The following SCN1A variants were observed in gnomAD, a reference collection of about 807,000 sequenced individuals.
The protein encoded by SCN1A is sodium channel protein type 1 subunit alpha.
SCN1A carries 13 observed loss-of-function variants against 193.7 expected under a neutral mutation model. The observed-to-expected ratio is 0.07, with a 90% CI of 0.04 to 0.11. The LOEUF (loss-of-function observed/expected upper bound fraction) is 0.11. Among genes scored for constraint, SCN1A ranks in the 10% least tolerant of loss-of-function variants. SCN1A has a pLI of 1.00. For missense variants in SCN1A, 1,432 were observed against 2,451.1 expected (o/e 0.58, Z 8.78); for synonymous variants, 781 against 843.6 (o/e 0.93, Z 1.29).
intron 5 of SCN1A, among the ~76,000 whole-genome samples, chr2:166,057,798 A>C (rs1326884426): frequency 2.6e-5 from 4 of 152,060 alleles, no homozygotes; most frequent in Non-Finnish European, 5.9e-5. Flanking sequence ...ATTATTGTCA[A>C]AGCTATCAAA....
intron 6 of SCN1A, among the ~76,000 whole-genome samples, chr2:166,055,932 A>ATTTGT (rs1252817622): frequency 6.6e-6 from 1 of 152,008 alleles, no homozygotes; most frequent in East Asian, 1.9e-4. Context: ...TTATTTTTCA[A>ATTTGT]TTTGTTGGTG....
chr2:166,119,380 A>G (rs547141006), intron 2 of SCN1A, among the ~76,000 whole-genome samples: 130 of 152,238 alleles, frequency 8.5e-4, no homozygotes, highest in African/African-American at 3.0e-3. Flanking sequence ...TTGATAATCT[A>G]GTAACTTCAT....
At chr2:166,049,097 C>T (rs1326922384) in intron 9 of SCN1A, 148 bp from the exon 10 acceptor site, 10 of 642,272 alleles carry the variant, frequency 1.6e-5, no homozygotes, top group Non-Finnish European at 2.8e-5. Context: ...GTCTCTTCTC[C>T]CTCTAAATTC....
At chr2:165,998,884 A>G (rs1690444592) in intron 25 of SCN1A, among the ~76,000 whole-genome samples, 1 of 151,498 alleles carries the variant, frequency 6.6e-6, no homozygotes, top group African/African-American at 2.4e-5. Context: ...TCAAAATGAT[A>G]TTCAACATAA....
upstream of SCN1A, chr2:166,128,154 C>G (rs1370492984): frequency 6.6e-6 from 1 of 151,802 alleles, no homozygotes; most frequent in African/African-American, 2.4e-5. Context: ...ATTTCTTCCT[C>G]AACCTCTTTT....
chr2:166,058,097 C>A (rs148177550), intron 5 of SCN1A, among the ~76,000 whole-genome samples: 276 of 152,134 alleles, frequency 1.8e-3, no homozygotes, highest in African/African-American at 6.4e-3. Context: ...GCCAAAGACT[C>A]CTGACATTCT....
At chr2:166,036,002 A>G (rs775377454) in intron 19 of SCN1A, 46 bp downstream of exon 19, 2 of 1,580,964 alleles carry the variant, frequency 1.3e-6, no homozygotes, top group Non-Finnish European at 1.7e-6. Flanking sequence ...GTGTATATGT[A>G]TATATGTATA....
intron 14 of SCN1A, 47 bp downstream of exon 14, chr2:166,043,622 C>G (rs747416557): frequency 6.4e-7 from 1 of 1,554,040 alleles, no homozygotes; most frequent in Non-Finnish European, 8.7e-7. Context: ...CTGGCTGGTG[C>G]AGCAATAGTG....
Position 166,009,712 on chromosome 2 carries a change from T to C in SCN1A, c.4002+7A>G, listed in dbSNP as rs765828915. ...TACAATACTTCAGGTTCTTTCATTTTTCTTACCCTCATCCCTTCAAATCGA... is the reference window on the plus strand; with the variant it reads ...TACAATACTTCAGGTTCTTTCATTTCTCTTACCCTCATCCCTTCAAATCGA... On this transcript the variant is annotated splice_region_variant and intron_variant, in intron 23 of 28. Transcript: ENST00000674923. 4 of 1,603,616 alleles carry C rather than the reference T, an allele frequency of 2.5e-6. No homozygotes were observed. In the East Asian group the frequency reaches 9.0e-5, roughly 36 times the overall value.
intron 5 of SCN1A, among the ~76,000 whole-genome samples, chr2:166,056,760 TACA>T (rs1278390896): frequency 6.6e-6 from 1 of 152,132 alleles, no homozygotes; most frequent in Admixed American, 6.6e-5. Flanking sequence ...GTGTTGTTTT[TACA>T]ACTATTATTA....
chr2:165,989,109 A>G lies in SCN1A; in HGVS notation c.*2136T>C. On this transcript the variant is annotated 3_prime_UTR_variant, in exon 29 of 29. Transcript: ENST00000674923. The stretch of plus-strand genomic sequence containing the variant: ...TCTCCCCCAATTTGTAATGTAAAAA[A>G]TCTCCATATCATTAGAATATTCTGT... 6.6e-6 allele frequency: 1 copy of G among 152,120 alleles called. No individual in the cohort carries two copies. The highest frequency in any genetic ancestry group is 6.6e-5 in the Admixed American group (1 of 15,186). The allele number at this position is 152,120 out of a possible 1,614,324, so 9.4% of individuals were successfully genotyped here.
chr2:166,013,477 T>C lies in SCN1A; in HGVS notation c.3705+267A>G, dbSNP rs151254621. Among the ~76,000 whole-genome samples, 3 of 151,638 alleles carry C rather than the reference T, an allele frequency of 2.0e-5. No individual in the cohort carries two copies. In the East Asian group the frequency reaches 5.8e-4, roughly 29 times the overall value. On this transcript the variant is annotated intron_variant, in intron 21 of 28. Coordinates refer to ENST00000674923, the MANE Select transcript of SCN1A (RefSeq NM_001165963.4). ...GTAATTGAATATTCACATCCTTTGG[T>C]GTTAATGAATAAGCTGAAGGGCTAC...
chr2:166,139,748 C>G (rs1454743116), intron 1 of SCN1A, among the ~76,000 whole-genome samples: 6 of 152,042 alleles, frequency 3.9e-5, no homozygotes, highest in African/African-American at 1.4e-4. Flanking sequence ...AAAACCATCT[C>G]GTGAGACTTA....
At chr2:166,132,962 T>C (rs1252827631), upstream of SCN1A, among the ~76,000 whole-genome samples, 1 of 152,170 alleles carries the variant, frequency 6.6e-6, no homozygotes, top group African/African-American at 2.4e-5. Context: ...CTTACAGATT[T>C]GATTCTGAAG....
chr2:166,090,607 T>C (rs957757561), intron 2 of SCN1A, among the ~76,000 whole-genome samples: 5 of 152,304 alleles, frequency 3.3e-5, no homozygotes, highest in African/African-American at 1.2e-4. Flanking sequence ...ACAGCCTTTA[T>C]TGTCTTTACC....
At chr2:166,050,752 T>G (rs1203572454) in intron 9 of SCN1A, among the ~76,000 whole-genome samples, 1 of 150,130 alleles carries the variant, frequency 6.7e-6, no homozygotes, top group Non-Finnish European at 1.5e-5. Flanking sequence ...GTGCTAGGAT[T>G]ATAGGTGTGA....
chr2:166,051,341 A>G (rs1698531052), intron 9 of SCN1A, among the ~76,000 whole-genome samples: 1 of 152,042 alleles, frequency 6.6e-6, no homozygotes, highest in Non-Finnish European at 1.5e-5. Flanking sequence ...AATAAAATAT[A>G]ATTTTAAATA....
At position 165,989,783 on chromosome 2, in the gene SCN1A, A is replaced by G. The variant is rs1465473362; in HGVS notation, c.*1462T>C. Reference sequence around the variant, plus strand: ...ATTTCCTCTTCATATTTATGTACATAATGCTGAAAAATAAAATAAAGTGAC... The same window carrying G: ...ATTTCCTCTTCATATTTATGTACATGATGCTGAAAAATAAAATAAAGTGAC... On this transcript the variant is annotated 3_prime_UTR_variant, in exon 29 of 29. Transcript: ENST00000674923. 6.6e-6 allele frequency: 1 copy of G among 152,588 alleles called. No individual in the cohort carries two copies. Among genetic ancestry groups the G allele is most frequent in the East Asian group, 1.9e-4 (1 of 5,184 alleles). The allele number at this position is 152,588 out of a possible 1,614,324, so 9.5% of individuals were successfully genotyped here.
intron 2 of SCN1A, among the ~76,000 whole-genome samples, chr2:166,121,585 A>C (rs747663037): frequency 2.0e-5 from 3 of 152,146 alleles, no homozygotes; most frequent in Non-Finnish European, 4.4e-5. Context: ...TTACAAACCT[A>C]ATTAATTGCC....
Sources: allele counts gnomAD v4.1 joint callset (sites outside exome capture counted in the v4.1 genomes callset), GRCh38; gene constraint gnomAD v4.1.1; transcripts MANE v1.5; gene names NCBI Gene and HGNC (gene_info 2026-07-23, HGNC 2026-07-21).